Variants in CLIP1 observed in about 807,000 individuals in gnomAD.
CLIP1 encodes the protein CAP-Gly domain-containing linker protein 1.
A neutral mutation model predicts 161.6 loss-of-function variants in CLIP1; 66 were observed. That is an observed-to-expected ratio of 0.41 (90% CI 0.33 to 0.50). The LOEUF (loss-of-function observed/expected upper bound fraction) is 0.50, where lower values mean the gene tolerates loss of function less well. Ranked by LOEUF, CLIP1 falls within the 20% of genes least tolerant of loss-of-function variation. The pLI is 0.27. For missense variants in CLIP1, 1,376 were observed against 1,702.0 expected, an observed-to-expected ratio of 0.81 and a Z score of 3.37; for synonymous variants, 598 against 626.2, an observed-to-expected ratio of 0.96 and a Z score of 0.67.
chr12:122,399,223 G>A (rs938320067), intron 1 of CLIP1: 7 of 152,020 alleles, frequency 4.6e-5, no homozygotes, highest in Admixed American at 2.6e-4. Context: ...CCCCTTCCCC[G>A]GCTCAGTATT....
intron 10 of CLIP1, chr12:122,343,679 C>T (rs1593117689): frequency 1.3e-5 from 2 of 152,124 alleles, no homozygotes; most frequent in South Asian, 4.1e-4. Flanking sequence ...ATTTGAGCTC[C>T]GGGATAGTAC....
intron 11 of CLIP1, among the ~76,000 whole-genome samples, chr12:122,339,879 G>T (rs1268075740): frequency 2.6e-5 from 4 of 152,138 alleles, no homozygotes; most frequent in Admixed American, 2.6e-4. Flanking sequence ...AAATGTTACT[G>T]TACTGAATGT....
intron 11 of CLIP1, among the ~76,000 whole-genome samples, chr12:122,336,962 G>T (rs1182459252): frequency 1.4e-5 from 2 of 144,360 alleles, no homozygotes; most frequent in Non-Finnish European, 3.0e-5. Context: ...CTATTTTTGT[G>T]TTTTTTTTTT....
At chr12:122,408,852 C>A (rs147807602) in intron 1 of CLIP1, among the ~76,000 whole-genome samples, 1 of 151,876 alleles carries the variant, frequency 6.6e-6, no homozygotes, top group Non-Finnish European at 1.5e-5. Flanking sequence ...ATGGAGTCTC[C>A]ACTCTGTCAC....
intron 20 of CLIP1, among the ~76,000 whole-genome samples, chr12:122,295,926 C>T (rs1215962002): frequency 6.6e-6 from 1 of 152,120 alleles, no homozygotes. Context: ...CTCCAGCTTG[C>T]TTTTGGTTAC....
chr12:122,276,583 G>T, intron 24 of CLIP1: 1 of 918,590 alleles, frequency 1.1e-6, no homozygotes, highest in Non-Finnish European at 1.4e-6. Flanking sequence ...AGTTTGTACA[G>T]TGTTGAATCG....
chr12:122,338,044 A>G (rs1454706549), intron 11 of CLIP1, among the ~76,000 whole-genome samples: 2 of 150,494 alleles, frequency 1.3e-5, no homozygotes, highest in African/African-American at 4.9e-5. Flanking sequence ...CCAAAACCAA[A>G]AAACCTTAAG....
At chr12:122,406,307 G>A (rs749574662) in intron 1 of CLIP1, among the ~76,000 whole-genome samples, 4 of 152,138 alleles carry the variant, frequency 2.6e-5, no homozygotes, top group Non-Finnish European at 5.9e-5. Flanking sequence ...TTAGCCAGGC[G>A]TGGTGGTGCG....
In CLIP1 at chr12:122,312,538, C is replaced by T. The variant is rs1199940179; in HGVS notation, c.3474-2656G>A. 4.6e-5 allele frequency among the ~76,000 whole-genome samples: 7 copies of T among 152,088 alleles called. No homozygotes were observed. In the South Asian group the frequency reaches 6.2e-4, roughly 13 times the overall value. The stretch of plus-strand genomic sequence containing the variant: ...CAGCACTTTGGGAGGCTGAGGCAGG[C>T]GGATCACTTGAGGCCAGGAGTTCGA... On this transcript the variant is annotated intron_variant, in intron 19 of 25. Transcript: ENST00000620786.
At chr12:122,285,785 C>T (rs1333014513) in intron 21 of CLIP1, among the ~76,000 whole-genome samples, 1 of 151,984 alleles carries the variant, frequency 6.6e-6, no homozygotes, top group Non-Finnish European at 1.5e-5. Flanking sequence ...CCACAGCTCC[C>T]TTGCCAGAAT....
chr12:122,375,634 G>T (rs1954685088), intron 3 of CLIP1, among the ~76,000 whole-genome samples: 1 of 152,024 alleles, frequency 6.6e-6, no homozygotes, highest in Admixed American at 6.6e-5. Context: ...AGAAATTCTT[G>T]AGTAACATCC....
chr12:122,289,465 T>C lies in CLIP1; in HGVS notation c.3595-924A>G, dbSNP rs114960906. 4.2e-3 allele frequency among the ~76,000 whole-genome samples: 641 copies of C among 152,106 alleles called. 1 individual carries two copies. Among genetic ancestry groups the C allele is most frequent in the African/African-American group, 0.015 (608 of 41,522 alleles). ...ATTGAGTAAAGCTCCACTGCTAACA[T>C]TCTAGTTCCTTTACTTAAACCGCAG... On this transcript the variant is annotated intron_variant, in intron 20 of 25. Coordinates refer to ENST00000620786, the MANE Select transcript of CLIP1 (RefSeq NM_001247997.2).
chr12:122,285,197 C>T (rs910358516), intron 21 of CLIP1, among the ~76,000 whole-genome samples: 16 of 151,006 alleles, frequency 1.1e-4, no homozygotes, highest in African/African-American at 3.2e-4. Context: ...TGAATTATGA[C>T]GTGCTACATA....
At chr12:122,379,934 A>C (rs1954928976) in intron 2 of CLIP1, among the ~76,000 whole-genome samples, 2 of 113,722 alleles carry the variant, frequency 1.8e-5, no homozygotes, top group South Asian at 3.2e-4. Flanking sequence ...ATAGAGCAAG[A>C]CTCCATCTTT....
chr12:122,341,644 T>C lies in CLIP1; in HGVS notation c.1560A>G (p.Ala520=). The C allele has an allele frequency of 1.9e-6, 3 of 1,612,140 alleles. No individual in the cohort carries two copies. The highest frequency in any genetic ancestry group is 2.5e-6 in the Non-Finnish European group (3 of 1,179,690). ...GCTCAGCTACTTCCTGTACTCTCAA[T>C]GCTAGGTCTTTCTCCAGTTCCATTA... ...SRIMELEKDL[A]LRVQEVAELR... Residue 520 remains alanine (A), a synonymous_variant, in exon 11 of 26, where the codon GCA becomes GCG. Coordinates refer to ENST00000620786, the MANE Select transcript of CLIP1 (RefSeq NM_001247997.2).
intron 1 of CLIP1, among the ~76,000 whole-genome samples, chr12:122,398,942 C>CAAAAAAA (rs34091651): frequency 9.5e-6 from 1 of 105,788 alleles, no homozygotes; most frequent in African/African-American, 3.8e-5. Flanking sequence ...ACCAGATATC[C>CAAAAAAA]AAAAAAAAAA....
intron 21 of CLIP1, among the ~76,000 whole-genome samples, chr12:122,283,583 T>C (rs971491173): frequency 6.6e-6 from 1 of 151,648 alleles, no homozygotes; most frequent in Non-Finnish European, 1.5e-5. Flanking sequence ...CTCAGACTCC[T>C]GAGTAGCTGA....
At chr12:122,364,403 T>C (rs1230342131) in intron 3 of CLIP1, among the ~76,000 whole-genome samples, 1 of 118,064 alleles carries the variant, frequency 8.5e-6, no homozygotes, top group African/African-American at 2.8e-5. Flanking sequence ...TCTTAGAAAA[T>C]ACTTTTTTTT....
chr12:122,402,963 C>T (rs952757413), intron 1 of CLIP1, among the ~76,000 whole-genome samples: 2 of 152,272 alleles, frequency 1.3e-5, no homozygotes, highest in East Asian at 1.9e-4. Flanking sequence ...GTGCTCAATA[C>T]GTGATTATGT....
Sources: gnomAD v4.1 joint callset for allele counts (sites outside exome capture counted in the v4.1 genomes callset) on GRCh38, gnomAD v4.1.1 for gene constraint, MANE v1.5 for transcripts, NCBI Gene and HGNC (gene_info 2026-07-23, HGNC 2026-07-21) for gene names.